FNDC1: variants seen among roughly 807,000 people sequenced by gnomAD.
The protein encoded by FNDC1 is fibronectin type III domain-containing protein 1.
FNDC1 carries 96 observed loss-of-function variants against 168.0 expected under a neutral mutation model. The ratio of observed to expected loss-of-function variants is 0.57; its 90% confidence interval spans 0.48 to 0.68. The LOEUF (loss-of-function observed/expected upper bound fraction) is 0.68, where lower values mean the gene tolerates loss of function less well. FNDC1 is among the 30% of genes least tolerant of loss of function. The pLI, the probability that FNDC1 is intolerant of heterozygous loss-of-function variation, is 0.00. For synonymous variants in FNDC1, 1,099 were observed against 1,025.9 expected, an observed-to-expected ratio of 1.07 and a Z score of -1.36; for missense variants, 2,587 against 2,482.1, an observed-to-expected ratio of 1.04 and a Z score of -0.90.
At position 159,256,716 on chromosome 6, in the gene FNDC1, A is replaced by G. The variant is rs1777381781; in HGVS notation, c.5174+85A>G. The stretch of plus-strand genomic sequence containing the variant: ...TTGGTTGGAAATGAAGGGAGGAATC[A>G]AAATGTTTTTGTGATTTCTTTGAAT... On this transcript the variant is annotated intron_variant, in intron 18 of 22. Transcript: ENST00000297267. 4 of 1,028,974 alleles carry G rather than the reference A, an allele frequency of 3.9e-6. No homozygotes were observed. The South Asian group carries it at 5.6e-5, about 14-fold the overall frequency. The allele number at this position is 1,028,974 out of a possible 1,614,324, so 63.7% of individuals were successfully genotyped here.
At chr6:159,227,586 T>C (rs192651951) in intron 9 of FNDC1, among the ~76,000 whole-genome samples, 1 of 152,170 alleles carries the variant, frequency 6.6e-6, no homozygotes, top group East Asian at 1.9e-4. Flanking sequence ...CTGTATTTTC[T>C]ATACTTCACG....
At position 159,201,923 on chromosome 6, in the gene FNDC1, A is replaced by G. The variant is rs1358595307; in HGVS notation, c.460+1342A>G. Among the ~76,000 whole-genome samples the G allele has an allele frequency of 2.0e-5, 3 of 152,210 alleles. No individual in the cohort carries two copies. In the East Asian group the frequency reaches 5.8e-4, roughly 29 times the overall value. On this transcript the variant is annotated intron_variant, in intron 4 of 22. Coordinates refer to ENST00000297267, the MANE Select transcript of FNDC1 (RefSeq NM_032532.3). Reference sequence around the variant, plus strand: ...TGATTTTCTTGCTTTTTCAGAAGTAATTAATTTCTTATGCCCTCTTTAATA... The same window carrying G: ...TGATTTTCTTGCTTTTTCAGAAGTAGTTAATTTCTTATGCCCTCTTTAATA...
At chr6:159,201,305 G>A (rs1782372803) in intron 4 of FNDC1, among the ~76,000 whole-genome samples, 1 of 152,216 alleles carries the variant, frequency 6.6e-6, no homozygotes, top group South Asian at 2.1e-4. Context: ...TTGTTGACAG[G>A]AAGGTGAGTA....
Position 159,239,821 on chromosome 6 carries a change from G to T in FNDC1, c.4485G>T (p.Thr1495=), listed in dbSNP as rs533142013. 19 of 1,546,096 alleles carry T rather than the reference G, an allele frequency of 1.2e-5. No homozygotes were observed. In the African/African-American group the frequency reaches 2.5e-4, roughly 20 times the overall value. The change falls in exon 14 of 23, where the codon ACG becomes ACT. Residue 1495 remains threonine (T), a synonymous_variant. Transcript: ENST00000297267. ...CAACAACCACAGTCCGAACCACTAC[G>T]CGGACAACCACCACCACCACCCCCA... ...RRPTTTVRTT[T]RTTTTTTPTP... is the part of the protein sequence containing the mutation.
rs1583842162 is a variant in FNDC1 at position 159,169,588 on chromosome 6, G to C, written c.-9G>C. ...CAAGCACCCAGCCCCGGCCCACCCC[G>C]GGCTCTCGATGGCCCCCGAGGCCGG... On this transcript the variant is annotated 5_prime_UTR_variant, in exon 1 of 23. Transcript: ENST00000297267. The surrounding 1 kb of genome is among the most constrained non-coding windows in gnomAD (Gnocchi z 6.8). 2 of 1,086,628 alleles carry C rather than the reference G, an allele frequency of 1.8e-6. No homozygotes were observed. The highest frequency in any genetic ancestry group is 8.4e-5 in the South Asian group (2 of 23,742). The allele number at this position is 1,086,628 out of a possible 1,614,324, so 67.3% of individuals were successfully genotyped here.
rs769525298 is a variant in FNDC1 at position 159,215,026 on chromosome 6, G to A, written c.542G>A (p.Arg181His). 12 of 1,613,906 alleles carry A rather than the reference G, an allele frequency of 7.4e-6. No homozygotes were observed. In the African/African-American group the frequency reaches 1.1e-4, roughly 14 times the overall value. The change falls in exon 5 of 23, where the codon CGC becomes CAC. Residue 181 changes from arginine (R) to histidine (H), a missense_variant. Coordinates refer to ENST00000297267, the MANE Select transcript of FNDC1 (RefSeq NM_032532.3). ...CTGTCCGTTGCGTGGAAGGCACCAC[G>A]CCTGTCTGGAGCCAAGAGTCCACGC... is the stretch of plus-strand genomic sequence containing the variant. ...DRLSVAWKAP[R>H]LSGAKSPRRS...
chr6:159,200,579 C>G lies in FNDC1; in HGVS notation c.458C>G (p.Thr153Arg), dbSNP rs374300451. ...CCAGGACCATTTAATGAAACCGTCA[C>G]AGGTACTACTTCCTCCTTCATGTCA... ...KGPGPFNETV[T>R]EKEVPNKPLR... The change falls in exon 4 of 23, where the codon ACA (threonine) becomes AGA (arginine). Residue 153 changes from threonine to arginine, a missense_variant and splice_region_variant. Thr to Arg is a moderately conservative substitution (Grantham distance 71). Coordinates refer to ENST00000297267, the MANE Select transcript of FNDC1 (RefSeq NM_032532.3). The G allele has an allele frequency of 6.3e-7, 1 of 1,588,910 alleles. No homozygotes were observed. The highest frequency in any genetic ancestry group is 8.6e-7 in the Non-Finnish European group (1 of 1,165,922).
At position 159,248,890 on chromosome 6, in the gene FNDC1, A is replaced by G. The variant is rs1021381174; in HGVS notation, c.4691-149A>G. 4 of 628,970 alleles carry G rather than the reference A, an allele frequency of 6.4e-6. No homozygotes were observed. In the East Asian group the frequency reaches 1.3e-4, roughly 20 times the overall value. The allele number at this position is 628,970 out of a possible 1,614,324, so 39.0% of individuals were successfully genotyped here. On this transcript the variant is annotated intron_variant, in intron 15 of 22. Transcript: ENST00000297267. Reference sequence around the variant, plus strand: ...TAGTAGAAACAAATTACGTTTGGGCATAGCATTTATTTTAGGGTGTGTGTG... The same window carrying G: ...TAGTAGAAACAAATTACGTTTGGGCGTAGCATTTATTTTAGGGTGTGTGTG...
chr6:159,256,446 C>T, intron 17 of FNDC1, 77 bp from the exon 18 acceptor site: 1 of 1,066,758 alleles, frequency 9.4e-7, no homozygotes, highest in Admixed American at 1.8e-5. Context: ...TGCCTCACAC[C>T]TGTCCTCAGT....
chr6:159,198,230 G>A (rs1782292791), intron 2 of FNDC1, among the ~76,000 whole-genome samples: 1 of 152,152 alleles, frequency 6.6e-6, no homozygotes, highest in Non-Finnish European at 1.5e-5. Context: ...TTCTATTTTT[G>A]ATTCCAGTAA....
chr6:159,207,639 A>G (rs1048007766), intron 4 of FNDC1, among the ~76,000 whole-genome samples: 1 of 152,226 alleles, frequency 6.6e-6, no homozygotes, highest in African/African-American at 2.4e-5. Flanking sequence ...TTTTAAACTT[A>G]TCAACCTACT....
intron 6 of FNDC1, among the ~76,000 whole-genome samples, chr6:159,223,166 C>T (rs439251): frequency 0.38 from 58,001 of 151,290 alleles, 14,190 homozygotes; most frequent in East Asian, 0.73. Flanking sequence ...CAGCTAATTT[C>T]TTATATTTTT....
intron 17 of FNDC1, among the ~76,000 whole-genome samples, chr6:159,255,417 C>T (rs75953570): frequency 0.021 from 3,157 of 152,230 alleles, 112 homozygotes; most frequent in African/African-American, 0.073. Context: ...CCATGGTGGG[C>T]CAGCTCCCGC....
intron 19 of FNDC1, among the ~76,000 whole-genome samples, chr6:159,264,272 A>G (rs1250401151): frequency 6.6e-6 from 1 of 152,204 alleles, no homozygotes; most frequent in African/African-American, 2.4e-5. Context: ...GCAAACATTC[A>G]TCTGCTTCCT....
chr6:159,241,608 A>C (rs114182752), intron 14 of FNDC1, among the ~76,000 whole-genome samples: 1 of 152,256 alleles, frequency 6.6e-6, no homozygotes, highest in African/African-American at 2.4e-5. Context: ...ACAGTAACAT[A>C]TCATCCTCAT....
intron 14 of FNDC1, among the ~76,000 whole-genome samples, chr6:159,242,164 G>A (rs1783436051): frequency 6.6e-6 from 1 of 152,210 alleles, no homozygotes; most frequent in South Asian, 2.1e-4. Context: ...TAAAAGGAAT[G>A]AGATTATGTG....
rs771822202 is a variant in FNDC1 at position 159,232,954 on chromosome 6, T to C, written c.2442T>C (p.Ser814=). 3 of 1,611,308 alleles carry C rather than the reference T, an allele frequency of 1.9e-6. No individual in the cohort carries two copies. The highest frequency in any genetic ancestry group is 2.2e-5 in the East Asian group (1 of 44,842). ...AGACGCTGCGGGCCCGGCCTGCCTC[T>C]GGACACTTCCATTTGCTCAGACACA... ...TAQTLRARPA[S]GHFHLLRHKP... is the part of the protein sequence containing the mutation. Residue 814 remains serine (S), a synonymous_variant, in exon 11 of 23, where the codon TCT becomes TCC. Transcript: ENST00000297267. This position sits in a 1 kb window ranked among gnomAD's most constrained non-coding sequence, Gnocchi z 4.9.
chr6:159,196,144 A>G (rs958837381), intron 1 of FNDC1, among the ~76,000 whole-genome samples: 2 of 152,226 alleles, frequency 1.3e-5, no homozygotes, highest in African/African-American at 4.8e-5. Context: ...TTTCCCAAAG[A>G]GCATGAGCCT....
intron 4 of FNDC1, among the ~76,000 whole-genome samples, chr6:159,210,134 C>G (rs1782568681): frequency 6.6e-6 from 1 of 152,242 alleles, no homozygotes; most frequent in Non-Finnish European, 1.5e-5. Context: ...CCAGGGCGTC[C>G]TGGTGCTGCC....
Sources: allele counts gnomAD v4.1 joint callset (sites outside exome capture counted in the v4.1 genomes callset), GRCh38; gene constraint gnomAD v4.1.1; non-coding constraint Gnocchi (gnomAD v3.1); transcripts MANE v1.5; gene names NCBI Gene and HGNC (gene_info 2026-07-23, HGNC 2026-07-21).